PKP2: variants seen among roughly 807,000 people sequenced by gnomAD.
The protein encoded by PKP2 is plakophilin 2.
A neutral mutation model predicts 83.4 loss-of-function variants in PKP2; 73 were observed. That is an observed-to-expected ratio of 0.88 (90% CI 0.72 to 1.06). PKP2 has a LOEUF of 1.06. Ranked by LOEUF, PKP2 falls within the 50% of genes least tolerant of loss-of-function variation. The pLI, the probability that PKP2 is intolerant of heterozygous loss-of-function variation, is 0.00. For missense variants in PKP2, 966 were observed against 1,065.4 expected (o/e 0.91, Z 1.30); for synonymous variants, 409 against 430.4 (o/e 0.95, Z 0.62).
In PKP2 at chr12:32,878,512, C is replaced by T. The variant is rs760576804; in HGVS notation, c.368G>A (p.Trp123Ter). ...GCTGTACTGTGCTGTTCCTCTTCCC[C>T]AGCGACCTTCATAAGTGGCAGTTGT... ...AGTTATYEGRWGRGTAQYSSQ... is the reference protein window; with the variant it reads ...AGTTATYEGR Residue 123 changes from tryptophan to a stop codon, truncating the protein, a stop_gained, in exon 3 of 13, where the codon TGG becomes TAG. Coordinates refer to ENST00000340811, the MANE Select transcript of PKP2 (RefSeq NM_001005242.3). LOFTEE classifies it high-confidence loss of function. 2.5e-6 allele frequency: 4 copies of T among 1,612,322 alleles called. No homozygotes were observed. Among genetic ancestry groups the T allele is most frequent in the Non-Finnish European group, 3.4e-6 (4 of 1,179,166 alleles).
intron 1 of PKP2, among the ~76,000 whole-genome samples, chr12:32,883,313 G>A (rs1957001721): frequency 6.6e-6 from 1 of 152,238 alleles, no homozygotes; most frequent in South Asian, 2.1e-4. Flanking sequence ...AGGCAGTCAT[G>A]AGTTTGAGAT....
chr12:32,857,403 G>T (rs1280503613), intron 4 of PKP2, among the ~76,000 whole-genome samples: 1 of 151,784 alleles, frequency 6.6e-6, no homozygotes, highest in Non-Finnish European at 1.5e-5. Flanking sequence ...TCCAGCCTGG[G>T]CAACAGAGTG....
intron 4 of PKP2, among the ~76,000 whole-genome samples, chr12:32,851,763 C>T (rs993893795): frequency 6.6e-6 from 1 of 152,188 alleles, no homozygotes; most frequent in Non-Finnish European, 1.5e-5. Flanking sequence ...CCACTGCGCC[C>T]GGCCACTAAC....
At position 32,878,221 on chromosome 12, in the gene PKP2, T is replaced by C; in HGVS notation, c.659A>G (p.Gln220Arg). 3 of 1,614,142 alleles carry C rather than the reference T, an allele frequency of 1.9e-6. No homozygotes were observed. In the East Asian group the frequency reaches 6.7e-5, roughly 36 times the overall value. The change falls in exon 3 of 13, where the codon CAG (glutamine) becomes CGG (arginine). Residue 220 changes from glutamine to arginine, a missense_variant. Physicochemically the swap from Gln to Arg is conservative, Grantham distance 43. Transcript: ENST00000340811. ...GTCGCTAACAGAGCCATGCTGGTAC[T>C]GTCTGTGGTATGTGTCAAAGTGGCG... ...RQRHFDTYHR[Q>R]YQHGSVSDTV...
At chr12:32,848,988 G>T (rs1956672329) in intron 5 of PKP2, among the ~76,000 whole-genome samples, 1 of 140,962 alleles carries the variant, frequency 7.1e-6, no homozygotes, top group South Asian at 2.2e-4. Context: ...CCAGAACACT[G>T]TCAACTATTA....
chr12:32,808,023 G>T (rs1219889173), intron 9 of PKP2, among the ~76,000 whole-genome samples: 2 of 152,108 alleles, frequency 1.3e-5, no homozygotes, highest in Non-Finnish European at 2.9e-5. Flanking sequence ...TTCTCATGGA[G>T]TATCCTACTG....
intron 9 of PKP2, among the ~76,000 whole-genome samples, chr12:32,819,059 C>T (rs1290229593): frequency 1.3e-5 from 2 of 152,066 alleles, no homozygotes; most frequent in Non-Finnish European, 2.9e-5. Context: ...TGGTGGATCA[C>T]CTGAGGTGAG....
intron 6 of PKP2, among the ~76,000 whole-genome samples, chr12:32,838,776 G>A (rs2137823852): frequency 6.6e-6 from 1 of 152,282 alleles, no homozygotes; most frequent in East Asian, 1.9e-4. Context: ...ATTAATAGTA[G>A]CAAAGGTATG....
Position 32,896,742 on chromosome 12 carries a change from G to A in PKP2, c.-11C>T. ...GCCGGGGGCTGCCATGGGGCCGGTG[G>A]GGGCGACCGAGCTGCTCGCCTGCCT... On this transcript the variant is annotated 5_prime_UTR_variant, in exon 1 of 13. Transcript: ENST00000340811. 12 of 1,388,096 alleles carry A rather than the reference G, an allele frequency of 8.6e-6. No homozygotes were observed. The highest frequency in any genetic ancestry group is 1.4e-5 in the South Asian group (1 of 70,746). The allele number at this position is 1,388,096 out of a possible 1,614,324, so 86.0% of individuals were successfully genotyped here.
chr12:32,824,824 A>C (rs1369014457), intron 6 of PKP2, among the ~76,000 whole-genome samples: 5 of 152,304 alleles, frequency 3.3e-5, no homozygotes, highest in South Asian at 4.2e-4. Context: ...AAGTCATGAC[A>C]CCTTTCTATA....
intron 9 of PKP2, among the ~76,000 whole-genome samples, chr12:32,818,060 G>GA (rs1201806739): frequency 3.9e-5 from 6 of 152,162 alleles, no homozygotes; most frequent in South Asian, 4.1e-4. Flanking sequence ...CCTAGTCTGT[G>GA]AAAAAACTGT....
intron 10 of PKP2, among the ~76,000 whole-genome samples, chr12:32,801,662 G>T (rs1956179587): frequency 6.6e-6 from 1 of 152,108 alleles, no homozygotes; most frequent in Non-Finnish European, 1.5e-5. Context: ...AATTTGAGTT[G>T]TTAGAAACGA....
In PKP2 at chr12:32,878,269, C is replaced by T. The variant is rs755215178; in HGVS notation, c.611G>A (p.Arg204His). ...GCGCTGCCTGCTTGTGGTGCCAGCA[C>T]GGCTGACCCCCACGATCTCGGAACG... ...YARSEIVGVS[R>H]AGTTSRQRHF... The change falls in exon 3 of 13, where the codon CGT becomes CAT. Residue 204 changes from arginine to histidine, a missense_variant. Coordinates refer to ENST00000340811, the MANE Select transcript of PKP2 (RefSeq NM_001005242.3). 5.2e-5 allele frequency: 84 copies of T among 1,613,906 alleles called. No individual in the cohort carries two copies. The highest frequency in any genetic ancestry group is 1.6e-4 in the Middle Eastern group (1 of 6,084).
rs1365753286 is a variant in PKP2, at chr12:32,792,627, C to T, written c.2445+17G>A. The T allele has an allele frequency of 5.0e-6, 8 of 1,607,006 alleles. No homozygotes were observed. Among genetic ancestry groups the T allele is most frequent in the Non-Finnish European group, 6.8e-6 (8 of 1,173,544 alleles). ...TGGCTCTGTTAACTATGACACATTCCTTGTTCATGTTCTTACCTTCTTGTA... is the reference window on the plus strand; with the variant it reads ...TGGCTCTGTTAACTATGACACATTCTTTGTTCATGTTCTTACCTTCTTGTA... On this transcript the variant is annotated intron_variant, in intron 12 of 12. Transcript: ENST00000340811.
chr12:32,879,831 C>CA (rs79905789), intron 1 of PKP2, among the ~76,000 whole-genome samples: 1,562 of 53,492 alleles, frequency 0.029, 9 homozygotes, highest in African/African-American at 0.04. Context: ...AACTCTGTCT[C>CA]AAAAAAAAAA....
intron 4 of PKP2, 125 bp from the exon 5 acceptor site, chr12:32,851,098 G>T: frequency 1.3e-6 from 1 of 773,636 alleles, no homozygotes. Flanking sequence ...ACAACTATGT[G>T]TAGCACAACT....
At chr12:32,808,977 T>C (rs942279008) in intron 9 of PKP2, among the ~76,000 whole-genome samples, 3 of 152,190 alleles carry the variant, frequency 2.0e-5, no homozygotes, top group African/African-American at 7.2e-5. Context: ...GAGACCCTTA[T>C]TGAAAGGTCT....
intron 1 of PKP2, chr12:32,894,358 T>C (rs1014610380): frequency 6.6e-6 from 1 of 152,192 alleles, no homozygotes; most frequent in African/African-American, 2.4e-5. Flanking sequence ...AGCAGAGTCT[T>C]TGTGTTTAAT....
chr12:32,838,461 G>T (rs1052101728), intron 6 of PKP2, among the ~76,000 whole-genome samples: 8 of 149,182 alleles, frequency 5.4e-5, no homozygotes, highest in Admixed American at 2.0e-4. Flanking sequence ...ACCTGTACAT[G>T]TACTTCCTGA....
Sources: gnomAD v4.1 joint callset for allele counts (sites outside exome capture counted in the v4.1 genomes callset) on GRCh38, gnomAD v4.1.1 for gene constraint, MANE v1.5 for transcripts, NCBI Gene and HGNC (gene_info 2026-07-23, HGNC 2026-07-21) for gene names.